Variants in VWA8 observed in about 807,000 individuals in gnomAD.
VWA8 encodes von Willebrand factor A domain containing 8, also known as von Willebrand factor A domain-containing protein 8.
In VWA8, 221 loss-of-function variants were observed where a neutral mutation model predicts 241.5. The ratio of observed to expected loss-of-function variants is 0.91; its 90% CI spans 0.82 to 1.02. The LOEUF is 1.02. Ranked by LOEUF, VWA8 falls within the 50% of genes least tolerant of loss-of-function variation. The pLI is 0.00. For synonymous variants in VWA8, 852 were observed against 827.1 expected (o/e 1.03, Z -0.52); for missense variants, 2,322 against 2,328.7 (o/e 1.00, Z 0.06).
At chr13:41,860,444 A>G (rs1872957273) in intron 12 of VWA8, among the ~76,000 whole-genome samples, 1 of 152,268 alleles carries the variant, frequency 6.6e-6, no homozygotes, top group Admixed American at 6.5e-5. Context: ...CTGATAAGAC[A>G]TGACTAAATG....
chr13:41,961,074 G>A lies in VWA8; in HGVS notation c.-59C>T. 2 of 1,333,894 alleles carry A rather than the reference G, an allele frequency of 1.5e-6. No individual in the cohort carries two copies. The highest frequency in any genetic ancestry group is 9.6e-7 in the Non-Finnish European group (1 of 1,042,204). 82.6% of individuals were successfully genotyped at this position (1,333,894 alleles called of 1,614,324 possible). A position where few individuals can be genotyped will look rare whatever the true frequency, so the allele number is the denominator to read the frequency against. On this transcript the variant is annotated 5_prime_UTR_variant, in exon 1 of 45. Transcript: ENST00000379310. The stretch of plus-strand genomic sequence containing the variant: ...GCTCGGGGATCGAGCGGCGTCCCGT[G>A]CAGGCACCGTGAGGCAGCGCGGAGA...
At position 41,878,052 on chromosome 13, in the gene VWA8, T is replaced by C. The variant is rs576398520; in HGVS notation, c.1080+5335A>G. ...CCTTAAAAATAGTCTAATTAAGTAA[T>C]TACACTAAAATTTAAATGGATTTCT... On this transcript the variant is annotated intron_variant, in intron 9 of 44. Coordinates refer to ENST00000379310, the MANE Select transcript of VWA8 (RefSeq NM_015058.2). Among the ~76,000 whole-genome samples, 4 of 152,152 alleles carry C rather than the reference T, an allele frequency of 2.6e-5. No individual in the cohort carries two copies. The South Asian group carries it at 8.3e-4, about 32-fold the overall frequency.
intron 17 of VWA8, among the ~76,000 whole-genome samples, chr13:41,794,185 T>C (rs1869584835): frequency 6.6e-6 from 1 of 152,118 alleles, no homozygotes; most frequent in South Asian, 2.1e-4. Flanking sequence ...AAGTCAATGG[T>C]AGTTTAATGG....
intron 21 of VWA8, among the ~76,000 whole-genome samples, chr13:41,748,467 C>T (rs1029867971): frequency 5.3e-5 from 8 of 152,050 alleles, no homozygotes; most frequent in East Asian, 1.9e-4. Flanking sequence ...TTTTTTATTG[C>T]GTCTATTTGA....
intron 39 of VWA8, among the ~76,000 whole-genome samples, chr13:41,609,206 C>T (rs1194235380): frequency 6.6e-6 from 1 of 152,140 alleles, no homozygotes; most frequent in Non-Finnish European, 1.5e-5. Flanking sequence ...ACACAAATCA[C>T]ATAACGGGAA....
chr13:41,571,699 A>C (rs2139631125), intron 43 of VWA8, among the ~76,000 whole-genome samples: 1 of 152,216 alleles, frequency 6.6e-6, no homozygotes, highest in South Asian at 2.1e-4. Flanking sequence ...GGCTCGCTGC[A>C]ACCTCCACCT....
At position 41,701,468 on chromosome 13, in the gene VWA8, G is replaced by A. The variant is rs756047468; in HGVS notation, c.3288C>T (p.Asn1096=). The change falls in exon 28 of 45, where the codon AAC becomes AAT. Residue 1096 remains asparagine, a synonymous_variant. Coordinates refer to ENST00000379310, the MANE Select transcript of VWA8 (RefSeq NM_015058.2). ...TCCATGAGGCACATTCTTCAGTAAA[G>A]TTTAGGGATCTTTCTTCATGTCTTT... ...PIERHEERSL[N]FTEECASWRI... The A allele has an allele frequency of 6.2e-7, 1 of 1,612,020 alleles. No individual in the cohort carries two copies. Among genetic ancestry groups the A allele is most frequent in the Non-Finnish European group, 8.5e-7 (1 of 1,179,104 alleles).
chr13:41,913,904 T>C (rs1182721015), intron 2 of VWA8, among the ~76,000 whole-genome samples: 1 of 152,242 alleles, frequency 6.6e-6, no homozygotes, highest in Non-Finnish European at 1.5e-5. Context: ...AAAAGTTGGT[T>C]CCTGGAAGGG....
intron 42 of VWA8, among the ~76,000 whole-genome samples, chr13:41,578,865 C>T: frequency 6.6e-6 from 1 of 152,194 alleles, no homozygotes; most frequent in East Asian, 1.9e-4. Context: ...AAAGCCTCAA[C>T]TGCAGAGGAC....
chr13:41,680,980 A>G (rs750217797), intron 35 of VWA8, among the ~76,000 whole-genome samples: 1 of 152,204 alleles, frequency 6.6e-6, no homozygotes, highest in Non-Finnish European at 1.5e-5. Flanking sequence ...CTTCTTCCCA[A>G]CTAGTTCCCA....
Position 41,720,645 on chromosome 13 carries a change from C to A in VWA8, c.2964+725G>T, listed in dbSNP as rs1391177219. Among the ~76,000 whole-genome samples the A allele has an allele frequency of 2.0e-5, 3 of 152,066 alleles. No individual in the cohort carries two copies. In the East Asian group the frequency reaches 5.8e-4, roughly 29 times the overall value. Reference sequence around the variant, plus strand: ...TGCAATAGATCTCAAAAACTTATTTCTCCTGTCTAACTGGAACTTTGTATC... The same window carrying A: ...TGCAATAGATCTCAAAAACTTATTTATCCTGTCTAACTGGAACTTTGTATC... On this transcript the variant is annotated intron_variant, in intron 25 of 44. Coordinates refer to ENST00000379310, the MANE Select transcript of VWA8 (RefSeq NM_015058.2).
chr13:41,658,311 G>A (rs1014639542), intron 37 of VWA8, among the ~76,000 whole-genome samples: 3 of 152,178 alleles, frequency 2.0e-5, no homozygotes, highest in African/African-American at 7.2e-5. Flanking sequence ...GGAAACATTT[G>A]ACTATGCATG....
intron 9 of VWA8, among the ~76,000 whole-genome samples, chr13:41,872,953 T>G (rs1873708062): frequency 6.6e-6 from 1 of 152,194 alleles, no homozygotes; most frequent in Admixed American, 6.5e-5. Flanking sequence ...GGAATGTTCT[T>G]CCATTTGTTT....
chr13:41,578,184 C>A (rs1399791712), intron 42 of VWA8, among the ~76,000 whole-genome samples: 2 of 151,394 alleles, frequency 1.3e-5, no homozygotes, highest in African/African-American at 4.8e-5. Flanking sequence ...CTTCCTTTTT[C>A]TTTCTCATCT....
intron 38 of VWA8, among the ~76,000 whole-genome samples, chr13:41,614,351 A>C (rs1323459320): frequency 6.6e-6 from 1 of 152,188 alleles, no homozygotes; most frequent in Admixed American, 6.5e-5. Context: ...GTGGACTCGC[A>C]GATGTGTCTG....
chr13:41,660,511 T>C (rs959365321), intron 37 of VWA8, among the ~76,000 whole-genome samples: 3 of 152,174 alleles, frequency 2.0e-5, no homozygotes, highest in African/African-American at 7.2e-5. Flanking sequence ...AGTATCCCTG[T>C]GTGGGTCCTG....
At chr13:41,955,707 T>C (rs1878322113) in intron 1 of VWA8, 1 of 152,214 alleles carries the variant, frequency 6.6e-6, no homozygotes, top group African/African-American at 2.4e-5. Flanking sequence ...GGTCTAAGGA[T>C]GCCTCCGTAC....
At chr13:41,734,958 A>G (rs915237916) in intron 21 of VWA8, among the ~76,000 whole-genome samples, 8 of 152,118 alleles carry the variant, frequency 5.3e-5, no homozygotes, top group African/African-American at 1.7e-4. Flanking sequence ...TCATATATCT[A>G]TTTTCTGTAT....
chr13:41,801,565 T>G (rs1869962743), intron 17 of VWA8, among the ~76,000 whole-genome samples: 1 of 152,240 alleles, frequency 6.6e-6, no homozygotes, highest in African/African-American at 2.4e-5. Context: ...TTGGGCTTAC[T>G]GGAAATTGTT....
Sources: allele counts gnomAD v4.1 joint callset (sites outside exome capture counted in the v4.1 genomes callset), GRCh38; gene constraint gnomAD v4.1.1; transcripts MANE v1.5; gene names NCBI Gene and HGNC (gene_info 2026-07-23, HGNC 2026-07-21).